KCNH6: variants seen among roughly 807,000 people sequenced by gnomAD.
The protein encoded by KCNH6 is potassium voltage-gated channel subfamily H member 6, also known as voltage-gated inwardly rectifying potassium channel KCNH6.
In KCNH6, 81 loss-of-function variants were observed where a neutral mutation model predicts 83.4. That is an observed-to-expected ratio of 0.97 (90% CI 0.81 to 1.17). The LOEUF (loss-of-function observed/expected upper bound fraction) is 1.17, where lower values mean the gene tolerates loss of function less well. Ranked by LOEUF, KCNH6 falls within the 50% of genes most tolerant of loss-of-function variation. The pLI, the probability that KCNH6 is intolerant of heterozygous loss-of-function variation, is 0.00. For synonymous variants in KCNH6, 503 were observed against 545.6 expected (o/e 0.92, Z 1.09); for missense variants, 1,203 against 1,290.5 (o/e 0.93, Z 1.04).
chr17:63,530,473 G>A lies in KCNH6; in HGVS notation c.606G>A (p.Thr202=), dbSNP rs367820459. 1.3e-5 allele frequency: 21 copies of A among 1,614,086 alleles called. No homozygotes were observed. Among genetic ancestry groups the A allele is most frequent in the South Asian group, 8.8e-5 (8 of 91,090 alleles). The change falls in exon 4 of 13, where the codon ACG becomes ACA. Residue 202 remains threonine (T), a synonymous_variant. Transcript: ENST00000314672. Reference sequence around the variant, plus strand: ...AGAAGCACCGCTCCAGCTCCACCACGGAGATTGAGATCATCGCGCCCCATA... The same window carrying A: ...AGAAGCACCGCTCCAGCTCCACCACAGAGATTGAGATCATCGCGCCCCATA... ...NLEKHRSSST[T]EIEIIAPHKV...
chr17:63,545,290 G>A (rs751324710), intron 12 of KCNH6, 26 bp downstream of exon 12: 13 of 1,608,410 alleles, frequency 8.1e-6, no homozygotes, highest in Admixed American at 1.7e-5. Context: ...ATTCCCAGGG[G>A]CTTACCTGCG....
chr17:63,536,271 T>A (rs2032495493), intron 6 of KCNH6: 1 of 585,620 alleles, frequency 1.7e-6, no homozygotes, highest in Non-Finnish European at 3.0e-6. Flanking sequence ...GCCCATGCTA[T>A]CTGCCAGGCA....
chr17:63,535,821 C>T lies in KCNH6; in HGVS notation c.1254C>T (p.Ile418=). 1 of 1,614,220 alleles carries T rather than the reference C, an allele frequency of 6.2e-7. No homozygotes were observed. Among genetic ancestry groups the T allele is most frequent in the Non-Finnish European group, 8.5e-7 (1 of 1,180,048 alleles). Residue 418 remains isoleucine, a synonymous_variant, in exon 6 of 13, where the codon ATC becomes ATT. Transcript: ENST00000314672. The surrounding 1 kb of genome is among the most constrained non-coding windows in gnomAD (Gnocchi z 4.9). ...FALIAHWLAC[I]WYAIGNVERP... ...TCATAGCGCACTGGCTGGCCTGCAT[C>T]TGGTACGCCATCGGCAATGTGGAGC...
intron 2 of KCNH6, 114 bp downstream of exon 2, chr17:63,524,483 C>T: frequency 5.1e-6 from 4 of 782,736 alleles, no homozygotes; most frequent in South Asian, 1.7e-5. Flanking sequence ...CTGAACAAAC[C>T]CTGTTTCTTC....
Position 63,538,324 on chromosome 17 carries a change from G to C in KCNH6, c.1701+60G>C. ...TGGGGGGGAGCCAAGATCCTGCGGG[G>C]GCGGGGCGTCCCCAGAGCCCTCACC... On this transcript the variant is annotated intron_variant, in intron 7 of 12. Coordinates refer to ENST00000314672, the MANE Select transcript of KCNH6 (RefSeq NM_001278919.2). The surrounding 1 kb of genome is among the most constrained non-coding windows in gnomAD (Gnocchi z 4.0). 6.2e-7 allele frequency: 1 copy of C among 1,609,362 alleles called. No individual in the cohort carries two copies. Among genetic ancestry groups the C allele is most frequent in the Non-Finnish European group, 8.5e-7 (1 of 1,177,808 alleles).
In KCNH6 at chr17:63,534,213, C is replaced by T. The variant is rs779201867; in HGVS notation, c.1003C>T (p.Arg335Cys). The T allele has an allele frequency of 7.4e-6, 12 of 1,613,994 alleles. No individual in the cohort carries two copies. Among genetic ancestry groups the T allele is most frequent in the East Asian group, 2.2e-5 (1 of 44,886 alleles). ...CAATGATGAGGTGGTCAGCCACCCC[C>T]GCCGCATCGCCGTCCACTACTTCAA... ...NTNDEVVSHP[R>C]RIAVHYFKGW... The change falls in exon 5 of 13, where the codon CGC becomes TGC. Residue 335 changes from arginine (R) to cysteine (C), a missense_variant. Transcript: ENST00000314672. The surrounding 1 kb of genome is among the most constrained non-coding windows in gnomAD (Gnocchi z 5.0).
chr17:63,529,261 A>G (rs2031923093), intron 2 of KCNH6, among the ~76,000 whole-genome samples: 1 of 152,178 alleles, frequency 6.6e-6, no homozygotes, highest in Admixed American at 6.5e-5. Flanking sequence ...GCTGCCCAAG[A>G]TAATGGGGAA....
At position 63,536,009 on chromosome 17, in the gene KCNH6, A is replaced by G. The variant is rs148387499; in HGVS notation, c.1442A>G (p.Asn481Ser). ...AGCCTCACCAGCGTGGGCTTCGGCAATGTCTCGCCCAACACCAACTCCGAG... is the reference window on the plus strand; with the variant it reads ...AGCCTCACCAGCGTGGGCTTCGGCAGTGTCTCGCCCAACACCAACTCCGAG... ...FSSLTSVGFG[N>S]VSPNTNSEKV... The change falls in exon 6 of 13, where the codon AAT (asparagine) becomes AGT (serine). Residue 481 changes from asparagine to serine, a missense_variant. Physicochemically the swap from Asn to Ser is conservative, Grantham distance 46. Coordinates refer to ENST00000314672, the MANE Select transcript of KCNH6 (RefSeq NM_001278919.2). 4 of 1,613,748 alleles carry G rather than the reference A, an allele frequency of 2.5e-6. No individual in the cohort carries two copies. The highest frequency in any genetic ancestry group is 2.7e-5 in the African/African-American group (2 of 74,936).
chr17:63,532,912 A>G (rs2032219419), intron 4 of KCNH6, among the ~76,000 whole-genome samples: 2 of 152,166 alleles, frequency 1.3e-5, no homozygotes, highest in African/African-American at 4.8e-5. Flanking sequence ...GGATCTCACT[A>G]ACTACATGAG....
Position 63,530,318 on chromosome 17 carries a change from C to T in KCNH6, c.470-19C>T. ...GGTCCCCTGGCCGTGGCTGCTCTGA[C>T]TCCTGGCCCTGGTTTCAGAGGGCTC... On this transcript the variant is annotated intron_variant, in intron 3 of 12. Transcript: ENST00000314672. 1 of 1,614,152 alleles carries T rather than the reference C, an allele frequency of 6.2e-7. No individual in the cohort carries two copies. Among genetic ancestry groups the T allele is most frequent in the Non-Finnish European group, 8.5e-7 (1 of 1,179,992 alleles).
At chr17:63,543,081 G>A (rs925200550) in intron 9 of KCNH6, among the ~76,000 whole-genome samples, 2 of 152,258 alleles carry the variant, frequency 1.3e-5, no homozygotes, top group Admixed American at 6.5e-5. Context: ...CACGGAGGAG[G>A]AAACTAATGG....
intron 6 of KCNH6, among the ~76,000 whole-genome samples, 154 bp from the exon 7 acceptor site, chr17:63,537,911 A>C (rs111424712): frequency 3.3e-5 from 5 of 152,190 alleles, no homozygotes; most frequent in Non-Finnish European, 7.3e-5. Context: ...TTTGTCCCGC[A>C]TGTGCCCTGG....
chr17:63,536,947 C>T (rs151039519), intron 6 of KCNH6, among the ~76,000 whole-genome samples: 1,999 of 95,702 alleles, frequency 0.021, 51 homozygotes, highest in African/African-American at 0.084. Flanking sequence ...AGCAAGACTC[C>T]GTCTCAAAAA....
At position 63,535,781 on chromosome 17, in the gene KCNH6, T is replaced by C. The variant is rs2032448508; in HGVS notation, c.1214T>C (p.Met405Thr). The change falls in exon 6 of 13, where the codon ATG becomes ACG. Residue 405 changes from methionine to threonine, a missense_variant. Transcript: ENST00000314672. This position sits in a 1 kb window ranked among gnomAD's most constrained non-coding sequence, Gnocchi z 4.9. The part of the protein sequence containing the change: ...EYGAAVLFLL[M>T]CTFALIAHWL... ...GGGGCGGCTGTGCTCTTCTTGCTCA[T>C]GTGCACCTTCGCGCTCATAGCGCAC... 2 of 1,614,240 alleles carry C rather than the reference T, an allele frequency of 1.2e-6. No homozygotes were observed. The highest frequency in any genetic ancestry group is 1.3e-5 in the African/African-American group (1 of 75,082).
Position 63,533,293 on chromosome 17 carries a change from C to T in KCNH6, c.676-593C>T, listed in dbSNP as rs1568072499. Among the ~76,000 whole-genome samples the T allele has an allele frequency of 6.6e-6, 1 of 152,056 alleles. No individual in the cohort carries two copies. On this transcript the variant is annotated intron_variant, in intron 4 of 12. Coordinates refer to ENST00000314672, the MANE Select transcript of KCNH6 (RefSeq NM_001278919.2). The surrounding 1 kb of genome is among the most constrained non-coding windows in gnomAD (Gnocchi z 4.1). ...GGGGAGGAGTCAGTTTTCCTTGGTG[C>T]CCAGGACCCGTTGAGGGTCCAGGTT... is the stretch of plus-strand genomic sequence containing the variant.
chr17:63,524,199 A>T lies in KCNH6; in HGVS notation c.137A>T (p.Asp46Val), dbSNP rs776504735. The T allele has an allele frequency of 1.7e-5, 28 of 1,614,036 alleles. No homozygotes were observed. The highest frequency in any genetic ancestry group is 2.7e-5 in the African/African-American group (2 of 74,920). Residue 46 changes from aspartate to valine, a missense_variant, in exon 2 of 13, where the codon GAC becomes GTC. Transcript: ENST00000314672. ...AACTGCGCCATCATTTACTGCAACGACGGCTTCTGCGAACTCTTCGGCTAC... is the reference window on the plus strand; with the variant it reads ...AACTGCGCCATCATTTACTGCAACGTCGGCTTCTGCGAACTCTTCGGCTAC... ...MENCAIIYCNDGFCELFGYSR... is the reference protein window; with the variant it reads ...MENCAIIYCNVGFCELFGYSR...
At chr17:63,543,159 C>T (rs539238478) in intron 9 of KCNH6, among the ~76,000 whole-genome samples, 1 of 152,326 alleles carries the variant, frequency 6.6e-6, no homozygotes, top group Admixed American at 6.5e-5. Context: ...GTGCCCCGCC[C>T]CTCCACCTTG....
In KCNH6 at chr17:63,543,614, T is replaced by C. The variant is rs1195501985; in HGVS notation, c.2187T>C (p.Pro729=). 3 of 1,613,306 alleles carry C rather than the reference T, an allele frequency of 1.9e-6. No individual in the cohort carries two copies. The highest frequency in any genetic ancestry group is 3.3e-5 in the Admixed American group (2 of 59,998). ...GGLHSSPRQA[P]GSQDHQGFFL... Reference sequence around the variant, plus strand: ...TCCACTCATCCCCCCGACAGGCTCCTGGCAGCCAAGACCACCAAGGTTTCT... The same window carrying C: ...TCCACTCATCCCCCCGACAGGCTCCCGGCAGCCAAGACCACCAAGGTTTCT... Residue 729 remains proline (P), a synonymous_variant, in exon 10 of 13, where the codon CCT becomes CCC. Coordinates refer to ENST00000314672, the MANE Select transcript of KCNH6 (RefSeq NM_001278919.2).
Position 63,546,018 on chromosome 17 carries a change from G to A in KCNH6, c.*116G>A, listed in dbSNP as rs1279116125. ...TGTAATCCCAGCACTTTGGGAGGCC[G>A]AGGCGGGCGGATCAGACCATCCTGG... On this transcript the variant is annotated 3_prime_UTR_variant, in exon 13 of 13. Coordinates refer to ENST00000314672, the MANE Select transcript of KCNH6 (RefSeq NM_001278919.2). 17 of 900,360 alleles carry A rather than the reference G, an allele frequency of 1.9e-5. No homozygotes were observed. Among genetic ancestry groups the A allele is most frequent in the Middle Eastern group, 3.0e-4 (1 of 3,298 alleles). The allele number at this position is 900,360 out of a possible 1,614,324, so 55.8% of individuals were successfully genotyped here. A position where few individuals can be genotyped will look rare whatever the true frequency, so the allele number is the denominator to read the frequency against.
Sources: allele counts gnomAD v4.1 joint callset (sites outside exome capture counted in the v4.1 genomes callset), GRCh38; gene constraint gnomAD v4.1.1; non-coding constraint Gnocchi (gnomAD v3.1); transcripts MANE v1.5; gene names NCBI Gene and HGNC (gene_info 2026-07-23, HGNC 2026-07-21).